The following CDH13 variants were observed in gnomAD, a reference collection of about 807,000 sequenced individuals.
The protein encoded by CDH13 is cadherin 13.
Under a neutral mutation model 63.8 loss-of-function variants are expected in CDH13, and 24 were observed. The observed-to-expected ratio is 0.38, with a 90% CI of 0.27 to 0.53. The LOEUF is 0.53. Among genes scored for constraint, CDH13 ranks in the 20% least tolerant of loss-of-function variants. The pLI, the probability that CDH13 is intolerant of heterozygous loss-of-function variation, is 0.85. For missense variants in CDH13, 1,049 were observed against 903.1 expected (o/e 1.16, Z -2.07); for synonymous variants, 503 against 355.3 (o/e 1.42, Z -4.67).
chr16:82,741,166 C>T (rs928704092), intron 1 of CDH13, among the ~76,000 whole-genome samples: 2 of 152,192 alleles, frequency 1.3e-5, no homozygotes, highest in Non-Finnish European at 2.9e-5. Flanking sequence ...CTCAAAAGCC[C>T]ATCAGTGAAT....
intron 3 of CDH13, among the ~76,000 whole-genome samples, chr16:83,068,636 G>A (rs2032207087): frequency 6.6e-6 from 1 of 151,938 alleles, no homozygotes; most frequent in Admixed American, 6.6e-5. Flanking sequence ...AAACATACTG[G>A]CCTCCATGGT....
intron 7 of CDH13, among the ~76,000 whole-genome samples, chr16:83,600,284 T>C (rs1188774435): frequency 1.3e-5 from 2 of 152,262 alleles, no homozygotes; most frequent in Admixed American, 6.5e-5. Context: ...GGAGCTGGAA[T>C]TGAAACCGAA....
At chr16:83,403,124 A>G (rs1238087772) in intron 6 of CDH13, among the ~76,000 whole-genome samples, 2 of 152,170 alleles carry the variant, frequency 1.3e-5, no homozygotes, top group Non-Finnish European at 2.9e-5. Flanking sequence ...GGTTAGCCCC[A>G]TTTTGTTATA....
chr16:83,130,902 G>T (rs1185657585), intron 4 of CDH13, among the ~76,000 whole-genome samples: 1 of 152,178 alleles, frequency 6.6e-6, no homozygotes, highest in Non-Finnish European at 1.5e-5. Flanking sequence ...GCTGTGGCAA[G>T]TTAGCCCTTG....
chr16:82,961,163 C>T lies in CDH13; in HGVS notation c.158-70847C>T, dbSNP rs748673312. ...ATCCGACTCAGGCTTCATCCCAGCT[C>T]ACATTCCACCTTCCCGACAAGGACA... On this transcript the variant is annotated intron_variant, in intron 2 of 13. Coordinates refer to ENST00000567109, the MANE Select transcript of CDH13 (RefSeq NM_001257.5). Among the ~76,000 whole-genome samples, 5 of 152,192 alleles carry T rather than the reference C, an allele frequency of 3.3e-5. No homozygotes were observed. In the South Asian group the frequency reaches 6.2e-4, roughly 19 times the overall value.
chr16:83,310,919 G>A (rs957130990), intron 5 of CDH13, among the ~76,000 whole-genome samples: 2 of 152,176 alleles, frequency 1.3e-5, no homozygotes, highest in Admixed American at 1.3e-4. Flanking sequence ...CAGATCACAT[G>A]GCTGTTTTCA....
chr16:82,721,331 A>G (rs1390551316), intron 1 of CDH13, among the ~76,000 whole-genome samples: 1 of 152,170 alleles, frequency 6.6e-6, no homozygotes, highest in Admixed American at 6.5e-5. Flanking sequence ...AATACAGATG[A>G]AGGAACATCA....
At chr16:83,713,185 T>C (rs554913063) in intron 10 of CDH13, among the ~76,000 whole-genome samples, 7 of 152,210 alleles carry the variant, frequency 4.6e-5, no homozygotes, top group Non-Finnish European at 1.0e-4. Flanking sequence ...CTGCACTTCA[T>C]TCACTGAGGA....
At chr16:83,695,943 G>A (rs1905339634) in intron 10 of CDH13, among the ~76,000 whole-genome samples, 1 of 150,586 alleles carries the variant, frequency 6.6e-6, no homozygotes, top group Admixed American at 6.6e-5. Context: ...AGGATGGCCT[G>A]CAGTGGTGCA....
chr16:83,464,042 C>T (rs888735797), intron 6 of CDH13, among the ~76,000 whole-genome samples: 1 of 152,086 alleles, frequency 6.6e-6, no homozygotes, highest in African/African-American at 2.4e-5. Flanking sequence ...TCGGAAGCTC[C>T]TTTATGCTAT....
chr16:83,792,478 G>C (rs1463008230), intron 13 of CDH13, among the ~76,000 whole-genome samples: 1 of 152,206 alleles, frequency 6.6e-6, no homozygotes, highest in African/African-American at 2.4e-5. Flanking sequence ...TGTTGTTGTT[G>C]TTCTTGCTTT....
chr16:83,713,075 A>G (rs1908306242), intron 10 of CDH13, among the ~76,000 whole-genome samples: 1 of 152,172 alleles, frequency 6.6e-6, no homozygotes, highest in African/African-American at 2.4e-5. Flanking sequence ...TTACTAATGT[A>G]TGGATTATAG....
In CDH13 at chr16:83,038,486, G is replaced by A. The variant is rs188891210; in HGVS notation, c.366+6268G>A. On this transcript the variant is annotated intron_variant, in intron 3 of 13. Coordinates refer to ENST00000567109, the MANE Select transcript of CDH13 (RefSeq NM_001257.5). Reference sequence around the variant, plus strand: ...GACAAATTGTTATGGAAGATAGTGAGGTTAACCTTCCGTGCACAAAAGGGC... The same window carrying A: ...GACAAATTGTTATGGAAGATAGTGAAGTTAACCTTCCGTGCACAAAAGGGC... Among the ~76,000 whole-genome samples, 306 of 152,284 alleles carry A rather than the reference G, an allele frequency of 2.0e-3. 1 individual carries two copies. The highest frequency in any genetic ancestry group is 0.017 in the Middle Eastern group (5 of 294).
rs114115578 is a variant in CDH13, at chr16:83,569,427, C to T, written c.961-33027C>T. Among the ~76,000 whole-genome samples, 339 of 152,328 alleles carry T rather than the reference C, an allele frequency of 2.2e-3. 2 individuals are homozygous for T. The highest frequency in any genetic ancestry group is 7.8e-3 in the African/African-American group (326 of 41,568). On this transcript the variant is annotated intron_variant, in intron 7 of 13. Transcript: ENST00000567109. ...CCCTTCCTTGGGGAGTAACTTTAGA[C>T]AATTTGCAGTGGATACTGGGCTGCA...
intron 4 of CDH13, among the ~76,000 whole-genome samples, chr16:83,146,609 A>C (rs8053417): frequency 0.35 from 52,919 of 152,186 alleles, 11,343 homozygotes; most frequent in African/African-American, 0.61. Context: ...GAGCAGTTAT[A>C]TGTGTATGTC....
intron 6 of CDH13, among the ~76,000 whole-genome samples, chr16:83,459,538 T>C (rs1259870705): frequency 2.6e-5 from 4 of 152,234 alleles, no homozygotes; most frequent in East Asian, 1.9e-4. Flanking sequence ...CATTTTTATC[T>C]TGAAGCAAGC....
At chr16:83,739,941 G>A (rs1307166790) in intron 10 of CDH13, 1 of 152,246 alleles carries the variant, frequency 6.6e-6, no homozygotes, top group African/African-American at 2.4e-5. Context: ...GAGCTGGCCA[G>A]GGAAGGAGGC....
chr16:83,509,773 G>T (rs1049948443), intron 7 of CDH13, among the ~76,000 whole-genome samples: 3 of 152,184 alleles, frequency 2.0e-5, no homozygotes, highest in Non-Finnish European at 2.9e-5. Flanking sequence ...CTTATTATGA[G>T]TCAAGCATTG....
intron 1 of CDH13, among the ~76,000 whole-genome samples, chr16:82,711,435 A>G (rs62036346): frequency 0.031 from 4,669 of 152,220 alleles, 109 homozygotes; most frequent in South Asian, 0.087. Flanking sequence ...AGTGAAGTAA[A>G]CAGCTTGGAC....
Sources: gnomAD v4.1 joint callset for allele counts (sites outside exome capture counted in the v4.1 genomes callset) on GRCh38, gnomAD v4.1.1 for gene constraint, MANE v1.5 for transcripts, NCBI Gene and HGNC (gene_info 2026-07-23, HGNC 2026-07-21) for gene names.